The following TNNT1 variants were observed in gnomAD, a reference collection of about 807,000 sequenced individuals.
The protein encoded by TNNT1 is troponin T, slow skeletal muscle.
TNNT1 carries 53 observed loss-of-function variants against 50.6 expected under a neutral mutation model. The ratio of observed to expected loss-of-function variants is 1.05; its 90% CI spans 0.84 to 1.32. The LOEUF (loss-of-function observed/expected upper bound fraction) is 1.32, where lower values mean the gene tolerates loss of function less well. TNNT1 is among the 40% of genes most tolerant of loss of function. The pLI is 0.00. For synonymous variants in TNNT1, 142 were observed against 138.0 expected (o/e 1.03, Z -0.20); for missense variants, 348 against 381.7 (o/e 0.91, Z 0.74).
At chr19:55,145,309 A>C in intron 6 of TNNT1, 1 of 567,426 alleles carries the variant, frequency 1.8e-6, no homozygotes, top group Non-Finnish European at 3.1e-6. Context: ...ATGAAGAAGA[A>C]GGGGAAGGAG....
rs200116583 is a variant in TNNT1, at chr19:55,140,808, A to AATAATC, written c.387+74_387+75insGATTAT. 69,258 of 1,017,704 alleles carry AATAATC rather than the reference A, an allele frequency of 0.068. 3,146 individuals are homozygous for AATAATC. Among genetic ancestry groups the AATAATC allele is most frequent in the Non-Finnish European group, 0.08 (56,239 of 706,670 alleles). 63.0% of individuals were successfully genotyped at this position (1,017,704 alleles called of 1,614,324 possible). On this transcript the variant is annotated intron_variant, in intron 9 of 13. Coordinates refer to ENST00000588981, the MANE Select transcript of TNNT1 (RefSeq NM_003283.6). The stretch of plus-strand genomic sequence containing the variant: ...TAATAATAATAGTAATAATAATAAT[A>AATAATC]ATAATAATAATAACAAAATGGGCAT...
rs1044922979 is a variant in TNNT1 at position 55,141,875 on chromosome 19, C to T, written c.174G>A (p.Gly58=). The part of the protein sequence containing the change: ...PPLIPPKIPE[G]ERVDFDDIHR... ...CACTTACATCGAAGTCAACGCGCTCCCCTTCTGGGATCTTTGGCGGGATCA... is the reference window on the plus strand; with the variant it reads ...CACTTACATCGAAGTCAACGCGCTCTCCTTCTGGGATCTTTGGCGGGATCA... The change falls in exon 7 of 14, where the codon GGG becomes GGA. Residue 58 remains glycine, a synonymous_variant. Coordinates refer to ENST00000588981, the MANE Select transcript of TNNT1 (RefSeq NM_003283.6). The T allele has an allele frequency of 3.1e-6, 5 of 1,614,090 alleles. No homozygotes were observed. Among genetic ancestry groups the T allele is most frequent in the African/African-American group, 1.3e-5 (1 of 75,042 alleles).
intron 1 of TNNT1, among the ~76,000 whole-genome samples, chr19:55,148,495 A>G (rs1476426401): frequency 6.6e-6 from 1 of 151,864 alleles, no homozygotes; most frequent in African/African-American, 2.4e-5. Flanking sequence ...CCGATTTATG[A>G]TGCCCGTGTT....
intron 13 of TNNT1, chr19:55,133,588 G>A (rs2085286561): frequency 4.1e-6 from 2 of 487,010 alleles, no homozygotes; most frequent in Admixed American, 3.4e-5. Context: ...TGAGGCAGGA[G>A]AATCGCTTGA....
At chr19:55,139,970 A>G (rs933404308) in intron 9 of TNNT1, among the ~76,000 whole-genome samples, 1 of 150,246 alleles carries the variant, frequency 6.7e-6, no homozygotes, top group African/African-American at 2.5e-5. Context: ...CTAAAAATAC[A>G]AAAATTAGCC....
intron 9 of TNNT1, 89 bp downstream of exon 9, chr19:55,140,794 G>GTAATAATAATAATAATAATAGTAA (rs2085435642): frequency 2.9e-6 from 2 of 684,720 alleles, no homozygotes; most frequent in Non-Finnish European, 4.3e-6. Flanking sequence ...AATAATAATA[G>GTAATAATAATAATAATAATAGTAA]TAATAATAAT....
In TNNT1 at chr19:55,146,674, A is replaced by G. The variant is rs765523670; in HGVS notation, c.73+7T>C. The G allele has an allele frequency of 3.0e-5, 40 of 1,313,910 alleles. No homozygotes were observed. In the South Asian group the frequency reaches 5.3e-4, roughly 17 times the overall value. 81.4% of individuals were successfully genotyped at this position (1,313,910 alleles called of 1,614,324 possible). A position where few individuals can be genotyped will look rare whatever the true frequency, so the allele number is the denominator to read the frequency against. ...CAGCTCCAGACCTGCGGAGTCCGGG[A>G]CCTCACCTTCCTCCTCCTCCTCCGC... On this transcript the variant is annotated splice_region_variant and intron_variant, in intron 4 of 13. Transcript: ENST00000588981.
intron 1 of TNNT1, among the ~76,000 whole-genome samples, chr19:55,148,451 G>A (rs1356472354): frequency 1.3e-5 from 2 of 151,974 alleles, no homozygotes; most frequent in Non-Finnish European, 2.9e-5. Context: ...AGGGTGCCTA[G>A]CCCCAAATCC....
rs182983443 is a variant in TNNT1 at position 55,140,223 on chromosome 19, G to A, written c.387+660C>T. ...GCCTGTCATCCCAGCACTTTGGGAGGTGAAAGCAGGTGGATTGCTTGAGCT... is the reference window on the plus strand; with the variant it reads ...GCCTGTCATCCCAGCACTTTGGGAGATGAAAGCAGGTGGATTGCTTGAGCT... On this transcript the variant is annotated intron_variant, in intron 9 of 13. Coordinates refer to ENST00000588981, the MANE Select transcript of TNNT1 (RefSeq NM_003283.6). 2.6e-3 allele frequency among the ~76,000 whole-genome samples: 401 copies of A among 152,278 alleles called. 2 individuals carry two copies. The highest frequency in any genetic ancestry group is 9.2e-3 in the African/African-American group (382 of 41,556).
chr19:55,143,455 A>G (rs1248211835), intron 6 of TNNT1, among the ~76,000 whole-genome samples: 1 of 152,134 alleles, frequency 6.6e-6, no homozygotes, highest in Non-Finnish European at 1.5e-5. Context: ...CGATTCCAAG[A>G]TGAAGCAGAC....
Position 55,138,177 on chromosome 19 carries a change from C to T in TNNT1, c.388-103G>A, listed in dbSNP as rs989082777. 1.3e-5 allele frequency: 21 copies of T among 1,592,134 alleles called. No individual in the cohort carries two copies. In the African/African-American group the frequency reaches 1.3e-4, roughly 10 times the overall value. The stretch of plus-strand genomic sequence containing the variant: ...GCACAGGGATCAGCAGACCCAGTGC[C>T]GCAGAGGCTGCTGGGACATCAGAAC... On this transcript the variant is annotated intron_variant, in intron 9 of 13. Transcript: ENST00000588981.
chr19:55,146,882 G>A (rs2085566135), intron 3 of TNNT1, 126 bp downstream of exon 3: 1 of 1,320,134 alleles, frequency 7.6e-7, no homozygotes, highest in Non-Finnish European at 1.0e-6. Flanking sequence ...CAGACCCGGA[G>A]AGGGCGGGCG....
intron 9 of TNNT1, among the ~76,000 whole-genome samples, chr19:55,138,401 C>T (rs1024418771): frequency 2.0e-5 from 3 of 152,158 alleles, no homozygotes; most frequent in African/African-American, 7.2e-5. Flanking sequence ...CCTCAGCCTC[C>T]TGAGTAGCTG....
chr19:55,140,791 ATAG>A, intron 9 of TNNT1, 89 bp downstream of exon 9: 1 of 714,018 alleles, frequency 1.4e-6, no homozygotes, highest in Non-Finnish European at 1.9e-6. Flanking sequence ...AATAATAATA[ATAG>A]TAATAATAAT....
intron 11 of TNNT1, among the ~76,000 whole-genome samples, chr19:55,136,219 C>G (rs186081707): frequency 5.9e-5 from 9 of 152,216 alleles, no homozygotes; most frequent in Non-Finnish European, 8.8e-5. Flanking sequence ...ATCTACCTCA[C>G]AGGGTTGTAA....
At chr19:55,140,793 AG>A in intron 9 of TNNT1, 89 bp downstream of exon 9, 1 of 921,822 alleles carries the variant, frequency 1.1e-6, no homozygotes, top group South Asian at 2.6e-5. Context: ...TAATAATAAT[AG>A]TAATAATAAT....
chr19:55,140,238 T>C (rs1418754370), intron 9 of TNNT1, among the ~76,000 whole-genome samples: 2 of 152,090 alleles, frequency 1.3e-5, no homozygotes, highest in Non-Finnish European at 2.9e-5. Context: ...AGCAGGTGGA[T>C]TGCTTGAGCT....
chr19:55,133,462 G>A (rs1169167921), intron 13 of TNNT1: 4 of 302,332 alleles, frequency 1.3e-5, no homozygotes, highest in African/African-American at 6.6e-5. Flanking sequence ...GGTGGATCAC[G>A]AGGTCAGGAG....
intron 9 of TNNT1, among the ~76,000 whole-genome samples, chr19:55,138,525 G>A (rs1408085094): frequency 2.6e-5 from 4 of 152,328 alleles, no homozygotes; most frequent in Non-Finnish European, 5.9e-5. Flanking sequence ...TGATCCGCCT[G>A]CCTCGGCCTC....
Sources: allele counts gnomAD v4.1 joint callset (sites outside exome capture counted in the v4.1 genomes callset), GRCh38; gene constraint gnomAD v4.1.1; transcripts MANE v1.5; gene names NCBI Gene and HGNC (gene_info 2026-07-23, HGNC 2026-07-21).